The following DPY19L4 variants were observed in gnomAD, a reference collection of about 807,000 sequenced individuals.
The protein encoded by DPY19L4 is probable C-mannosyltransferase DPY19L4.
A neutral mutation model predicts 102.8 loss-of-function variants in DPY19L4; 97 were observed. That is an observed-to-expected ratio of 0.94 (90% confidence interval 0.80 to 1.12). The LOEUF (loss-of-function observed/expected upper bound fraction) is 1.12. DPY19L4 is among the 50% of genes most tolerant of loss of function. DPY19L4 has a pLI of 0.00. For missense variants in DPY19L4, 815 were observed against 850.4 expected, an observed-to-expected ratio of 0.96 and a Z score of 0.52; for synonymous variants, 252 against 283.1, an observed-to-expected ratio of 0.89 and a Z score of 1.10.
At chr8:94,783,508 A>G (rs747667811) in intron 16 of DPY19L4, among the ~76,000 whole-genome samples, 162 bp from the exon 17 acceptor site, 3 of 152,060 alleles carry the variant, frequency 2.0e-5, no homozygotes, top group Admixed American at 1.3e-4. Flanking sequence ...TAGGTGCCCA[A>G]TTTTTTTGAA....
At chr8:94,722,749 T>A (rs1362788355) in intron 1 of DPY19L4, among the ~76,000 whole-genome samples, 2 of 152,238 alleles carry the variant, frequency 1.3e-5, no homozygotes, top group Non-Finnish European at 2.9e-5. Context: ...TATCTTTTGT[T>A]CGCTGTGTTA....
chr8:94,721,830 G>A (rs894804867), intron 1 of DPY19L4, among the ~76,000 whole-genome samples: 4 of 152,264 alleles, frequency 2.6e-5, no homozygotes, highest in Admixed American at 6.5e-5. Flanking sequence ...ATAAATGGGC[G>A]GGGCATGATG....
At chr8:94,725,679 A>C (rs1810654931) in intron 1 of DPY19L4, among the ~76,000 whole-genome samples, 1 of 152,174 alleles carries the variant, frequency 6.6e-6, no homozygotes, top group Non-Finnish European at 1.5e-5. Context: ...TCTGTCGCCC[A>C]GGCTGGAGTG....
chr8:94,734,771 T>C lies in DPY19L4; in HGVS notation c.252+17T>C. ...AACAGGCAGGTAAGAAGAAAGAATT[T>C]TGAGCATATGAAAGTTATTTTCCCA... On this transcript the variant is annotated intron_variant, in intron 3 of 18. Transcript: ENST00000414645. 10 of 1,613,112 alleles carry C rather than the reference T, an allele frequency of 6.2e-6. No individual in the cohort carries two copies. The highest frequency in any genetic ancestry group is 8.5e-6 in the Non-Finnish European group (10 of 1,179,774).
At chr8:94,740,200 C>T (rs1201156050) in intron 6 of DPY19L4, among the ~76,000 whole-genome samples, 8 of 152,176 alleles carry the variant, frequency 5.3e-5, no homozygotes, top group Admixed American at 1.3e-4. Context: ...GCAGAGCATC[C>T]AGCCATACTC....
chr8:94,771,349 C>T (rs1013009289), intron 13 of DPY19L4, among the ~76,000 whole-genome samples: 1 of 152,188 alleles, frequency 6.6e-6, no homozygotes, highest in African/African-American at 2.4e-5. Flanking sequence ...AATGAACTGA[C>T]ATTTACTTAT....
chr8:94,722,978 A>AC (rs1448985177), intron 1 of DPY19L4, among the ~76,000 whole-genome samples: 4 of 152,236 alleles, frequency 2.6e-5, no homozygotes, highest in Non-Finnish European at 5.9e-5. Context: ...AGAAGTGACA[A>AC]CCTTGAGTAG....
chr8:94,779,155 T>C (rs1813317353), intron 14 of DPY19L4, among the ~76,000 whole-genome samples: 1 of 151,996 alleles, frequency 6.6e-6, no homozygotes, highest in African/African-American at 2.4e-5. Flanking sequence ...ATGTTCACTA[T>C]GTCAGGTACT....
intron 7 of DPY19L4, among the ~76,000 whole-genome samples, chr8:94,756,889 G>A (rs1442097007): frequency 6.6e-6 from 1 of 152,152 alleles, no homozygotes; most frequent in Non-Finnish European, 1.5e-5. Flanking sequence ...GCCAGGTGTG[G>A]TGGCACACGC....
chr8:94,739,500 T>A lies in DPY19L4; in HGVS notation c.431T>A (p.Ile144Asn), dbSNP rs370331089. ...VQQMSLYPEL[I>N]ASILYQATGS... Reference sequence around the variant, plus strand: ...CAAATGTCTCTGTATCCGGAACTTATTGCTAGCATTTTATATCAAGCCACT... The same window carrying A: ...CAAATGTCTCTGTATCCGGAACTTAATGCTAGCATTTTATATCAAGCCACT... Residue 144 changes from isoleucine to asparagine, a missense_variant, in exon 5 of 19, where the codon ATT becomes AAT. By Grantham distance (149) the Ile-to-Asn change is moderately radical. Coordinates refer to ENST00000414645, the MANE Select transcript of DPY19L4 (RefSeq NM_181787.3). 1 of 1,607,462 alleles carries A rather than the reference T, an allele frequency of 6.2e-7. No homozygotes were observed. The highest frequency in any genetic ancestry group is 1.1e-5 in the South Asian group (1 of 89,090).
Position 94,734,527 on chromosome 8 carries a change from G to A in DPY19L4, c.128-103G>A, listed in dbSNP as rs1274221352. ...CTTTTCTCACAATTAGACTCGAGTT[G>A]TGGGTTTTGGGGACAAAGACCATAG... On this transcript the variant is annotated intron_variant, in intron 2 of 18. Coordinates refer to ENST00000414645, the MANE Select transcript of DPY19L4 (RefSeq NM_181787.3). 6 of 1,198,300 alleles carry A rather than the reference G, an allele frequency of 5.0e-6. No homozygotes were observed. The East Asian group carries it at 1.3e-4, about 26-fold the overall frequency. 74.2% of individuals were successfully genotyped at this position (1,198,300 alleles called of 1,614,324 possible).
intron 8 of DPY19L4, among the ~76,000 whole-genome samples, chr8:94,763,011 C>G (rs1812461755): frequency 6.6e-6 from 1 of 151,230 alleles, no homozygotes. Context: ...TGCGGTGGCT[C>G]AATCTCAGCT....
chr8:94,743,248 T>C (rs112887530), intron 6 of DPY19L4, among the ~76,000 whole-genome samples: 20,199 of 151,460 alleles, frequency 0.13, 1,496 homozygotes, highest in Non-Finnish European at 0.17. Context: ...CAGGCTGTTC[T>C]TGAACTCCTG....
At chr8:94,761,866 A>G in intron 8 of DPY19L4, 32 bp downstream of exon 8, 1 of 1,586,920 alleles carries the variant, frequency 6.3e-7, no homozygotes, top group Non-Finnish European at 8.5e-7. Flanking sequence ...GTGATTTTTA[A>G]GAGAATAAAT....
At chr8:94,755,713 T>C (rs1247733012) in intron 6 of DPY19L4, among the ~76,000 whole-genome samples, 1 of 152,134 alleles carries the variant, frequency 6.6e-6, no homozygotes, top group African/African-American at 2.4e-5. Context: ...GGTGAAACCC[T>C]GTCTCTACTA....
At chr8:94,750,425 G>C (rs745801395) in intron 6 of DPY19L4, among the ~76,000 whole-genome samples, 13 of 152,132 alleles carry the variant, frequency 8.5e-5, no homozygotes, top group Non-Finnish European at 1.5e-4. Context: ...AAAATAGTTT[G>C]TTAGAGAATT....
At chr8:94,758,220 G>A (rs374233436) in intron 7 of DPY19L4, among the ~76,000 whole-genome samples, 23 of 151,658 alleles carry the variant, frequency 1.5e-4, no homozygotes, top group Admixed American at 1.3e-3. Flanking sequence ...ACTGGAGTGC[G>A]GTGGCGTGAT....
chr8:94,736,019 ATT>A (rs982004801), intron 3 of DPY19L4, among the ~76,000 whole-genome samples: 1 of 152,158 alleles, frequency 6.6e-6, no homozygotes, highest in Non-Finnish European at 1.5e-5. Flanking sequence ...ACAGAAATTT[ATT>A]TCTCACAGTT....
chr8:94,779,232 C>A (rs34759911), intron 14 of DPY19L4, among the ~76,000 whole-genome samples: 91,366 of 146,960 alleles, frequency 0.62, 28,888 homozygotes, highest in East Asian at 0.8. Context: ...AAAAAAAAAA[C>A]CAAGGCTTTA....
Sources: gnomAD v4.1 joint callset for allele counts (sites outside exome capture counted in the v4.1 genomes callset) on GRCh38, gnomAD v4.1.1 for gene constraint, MANE v1.5 for transcripts, NCBI Gene and HGNC (gene_info 2026-07-23, HGNC 2026-07-21) for gene names.